WDR7: variants seen among roughly 807,000 people sequenced by gnomAD.
The protein encoded by WDR7 is WD repeat domain 7.
Under a neutral mutation model 169.4 loss-of-function variants are expected in WDR7, and 46 were observed. That is an observed-to-expected ratio of 0.27 (90% CI 0.21 to 0.35). WDR7 has a LOEUF of 0.35. Ranked by LOEUF, WDR7 falls within the 10% of genes least tolerant of loss-of-function variation. The probability of loss-of-function intolerance (pLI) is 1.00; values close to 1 mark genes in which losing one functional copy is unlikely to be tolerated. For missense variants in WDR7, 1,534 were observed against 1,859.3 expected, an observed-to-expected ratio of 0.83 and a Z score of 3.22; for synonymous variants, 612 against 666.8, an observed-to-expected ratio of 0.92 and a Z score of 1.27.
In WDR7 at chr18:56,776,838, CCTT is replaced by C. The variant is rs199884319; in HGVS notation, c.2908_2910del (p.Ser970del). 2.2e-5 allele frequency: 36 copies of C among 1,613,916 alleles called. No homozygotes were observed. The highest frequency in any genetic ancestry group is 3.3e-4 in the Middle Eastern group (2 of 6,084). ...TGCTGATCACTCTGGCTCTGACCCT[CCTT>C]CTGCTCCTGCTTTACATACCTGTTT... On this transcript the variant is annotated inframe_deletion, in exon 17 of 28. Transcript: ENST00000254442.
intron 16 of WDR7, among the ~76,000 whole-genome samples, chr18:56,760,775 T>C (rs1466217887): frequency 6.6e-6 from 1 of 152,216 alleles, no homozygotes; most frequent in African/African-American, 2.4e-5. Flanking sequence ...TATACATTCA[T>C]CACAATGGCT....
chr18:56,729,201 T>G (rs1344973593), intron 13 of WDR7, among the ~76,000 whole-genome samples: 1 of 152,230 alleles, frequency 6.6e-6, no homozygotes, highest in Non-Finnish European at 1.5e-5. Flanking sequence ...CAGTAAATTC[T>G]AAATTTATTC....
chr18:56,792,912 A>G (rs2044517324), intron 19 of WDR7, among the ~76,000 whole-genome samples: 1 of 152,120 alleles, frequency 6.6e-6, no homozygotes, highest in Admixed American at 6.6e-5. Context: ...GACAACTTTT[A>G]TTTCTCTGTA....
intron 23 of WDR7, among the ~76,000 whole-genome samples, chr18:56,937,289 G>C (rs1450369219): frequency 6.6e-6 from 1 of 152,146 alleles, no homozygotes; most frequent in African/African-American, 2.4e-5. Flanking sequence ...CTGTTTGGGA[G>C]GCTGAGGCAG....
At chr18:56,946,380 A>G (rs1460685454) in intron 25 of WDR7, among the ~76,000 whole-genome samples, 2 of 152,208 alleles carry the variant, frequency 1.3e-5, no homozygotes, top group Non-Finnish European at 2.9e-5. Flanking sequence ...ACGAAGACTC[A>G]ATCGAGACAT....
intron 21 of WDR7, among the ~76,000 whole-genome samples, chr18:56,900,007 G>A (rs1218142233): frequency 1.3e-5 from 2 of 150,706 alleles, no homozygotes; most frequent in Non-Finnish European, 3.0e-5. Context: ...AAGCAAATAA[G>A]AGTACATCAT....
chr18:56,801,380 C>A (rs1426231601), intron 19 of WDR7, among the ~76,000 whole-genome samples: 1 of 152,072 alleles, frequency 6.6e-6, no homozygotes, highest in African/African-American at 2.4e-5. Context: ...GAGGTTATGT[C>A]CTACATTTGT....
At chr18:57,014,171 C>T (rs924008046) in intron 26 of WDR7, among the ~76,000 whole-genome samples, 1 of 151,528 alleles carries the variant, frequency 6.6e-6, no homozygotes, top group Non-Finnish European at 1.5e-5. Flanking sequence ...AATAAAAATA[C>T]AAAAATTAGC....
chr18:56,967,464 C>T (rs768491775), intron 26 of WDR7, among the ~76,000 whole-genome samples: 1 of 151,948 alleles, frequency 6.6e-6, no homozygotes, highest in East Asian at 1.9e-4. Flanking sequence ...ATAGGCTGTG[C>T]TCTTGCTAAG....
At chr18:56,992,972 T>G (rs2047839542) in intron 26 of WDR7, among the ~76,000 whole-genome samples, 1 of 152,200 alleles carries the variant, frequency 6.6e-6, no homozygotes, top group Non-Finnish European at 1.5e-5. Flanking sequence ...TGATTCAAAC[T>G]ACAAGCTGAC....
intron 26 of WDR7, among the ~76,000 whole-genome samples, chr18:56,969,419 C>G (rs1328645694): frequency 6.6e-6 from 1 of 152,138 alleles, no homozygotes; most frequent in Non-Finnish European, 1.5e-5. Flanking sequence ...TTCAATAACC[C>G]CATTCGCTGT....
intron 20 of WDR7, among the ~76,000 whole-genome samples, chr18:56,857,224 C>G (rs1462020001): frequency 1.3e-5 from 2 of 152,096 alleles, no homozygotes; most frequent in East Asian, 3.9e-4. Context: ...GAGTGTGGAA[C>G]TCTTAGTGGA....
At chr18:56,971,398 A>C (rs72930731) in intron 26 of WDR7, among the ~76,000 whole-genome samples, 3,910 of 151,924 alleles carry the variant, frequency 0.026, 58 homozygotes, top group South Asian at 0.036. Flanking sequence ...CATTTTGTTT[A>C]TAAAACAAAC....
At chr18:56,796,294 T>C (rs993798947) in intron 19 of WDR7, among the ~76,000 whole-genome samples, 1 of 152,208 alleles carries the variant, frequency 6.6e-6, no homozygotes, top group Admixed American at 6.5e-5. Flanking sequence ...GAAGATTTCT[T>C]TACTACCCTA....
chr18:56,742,874 GGCGAGTCCATTAAA>G (rs1568169315), intron 14 of WDR7, among the ~76,000 whole-genome samples: 1 of 152,076 alleles, frequency 6.6e-6, no homozygotes, highest in Non-Finnish European at 1.5e-5. Flanking sequence ...TGGGAAATGA[GGCGAGTCCATTAAA>G]GCACCATGTG....
intron 21 of WDR7, among the ~76,000 whole-genome samples, chr18:56,898,027 A>G (rs2046352895): frequency 6.6e-6 from 1 of 151,980 alleles, no homozygotes; most frequent in South Asian, 2.1e-4. Context: ...ATTATCTAAT[A>G]AAAGGAACTA....
intron 2 of WDR7, among the ~76,000 whole-genome samples, chr18:56,678,058 A>G (rs1035655421): frequency 6.6e-6 from 1 of 152,188 alleles, no homozygotes; most frequent in Non-Finnish European, 1.5e-5. Flanking sequence ...AGATTCTGAT[A>G]CATTCTTTAG....
chr18:56,870,136 G>A lies in WDR7; in HGVS notation c.3305-9808G>A, dbSNP rs1294862063. Among the ~76,000 whole-genome samples the A allele has an allele frequency of 4.6e-5, 7 of 152,062 alleles. No individual in the cohort carries two copies. In the South Asian group the frequency reaches 1.0e-3, roughly 23 times the overall value. ...TGGGGTACATTGGATGACTTATGTA[G>A]CATTTTAAGTTCTTTTAAAGCCAAA... On this transcript the variant is annotated intron_variant, in intron 20 of 27. Transcript: ENST00000254442.
At chr18:56,950,122 C>G (rs1258896085) in intron 25 of WDR7, among the ~76,000 whole-genome samples, 2 of 152,184 alleles carry the variant, frequency 1.3e-5, no homozygotes, top group African/African-American at 2.4e-5. Flanking sequence ...GCAAGTCAAT[C>G]TGACGAGTGT....
Sources: allele counts gnomAD v4.1 joint callset (sites outside exome capture counted in the v4.1 genomes callset), GRCh38; gene constraint gnomAD v4.1.1; transcripts MANE v1.5; gene names NCBI Gene and HGNC (gene_info 2026-07-23, HGNC 2026-07-21).